The following NPY1R variants were observed in gnomAD, a reference collection of about 807,000 sequenced individuals.
NPY1R encodes neuropeptide Y receptor Y1, also known as neuropeptide Y receptor type 1.
Under a neutral mutation model 24.1 loss-of-function variants are expected in NPY1R, and 10 were observed. The ratio of observed to expected loss-of-function variants is 0.42; its 90% CI spans 0.26 to 0.71. The LOEUF is 0.71. NPY1R is among the 30% of genes least tolerant of loss of function. NPY1R has a pLI of 0.28. For synonymous variants in NPY1R, 168 were observed against 165.9 expected (o/e 1.01, Z -0.10); for missense variants, 350 against 458.0 (o/e 0.76, Z 2.15).
intron 1 of NPY1R, among the ~76,000 whole-genome samples, chr4:163,328,991 A>G (rs1734668943): frequency 6.6e-6 from 1 of 152,218 alleles, no homozygotes; most frequent in South Asian, 2.1e-4. Flanking sequence ...GGGTAAATTA[A>G]TCCTAACATC....
At position 163,324,603 on chromosome 4, in the gene NPY1R, C is replaced by T. The variant is rs1037851710; in HGVS notation, c.*700G>A. Reference sequence around the variant, plus strand: ...CCAAAATGGTTTTGAAGTTAGGGAGCTGCTTTCTCTCTTCATTCCTGTGGG... The same window carrying T: ...CCAAAATGGTTTTGAAGTTAGGGAGTTGCTTTCTCTCTTCATTCCTGTGGG... On this transcript the variant is annotated 3_prime_UTR_variant, in exon 3 of 3. Transcript: ENST00000296533. 1.3e-5 allele frequency: 2 copies of T among 152,232 alleles called. No individual in the cohort carries two copies. Among genetic ancestry groups the T allele is most frequent in the Non-Finnish European group, 2.9e-5 (2 of 68,008 alleles). The allele number at this position is 152,232 out of a possible 1,614,324, so 9.4% of individuals were successfully genotyped here.
chr4:163,339,905 C>T (rs1049919095), intron 1 of NPY1R, among the ~76,000 whole-genome samples: 4 of 152,000 alleles, frequency 2.6e-5, no homozygotes, highest in Non-Finnish European at 5.9e-5. Context: ...TGTTCAATAA[C>T]ATATTTTAAT....
chr4:163,335,580 G>T (rs557339166), upstream of NPY1R, among the ~76,000 whole-genome samples: 1 of 152,244 alleles, frequency 6.6e-6, no homozygotes, highest in African/African-American at 2.4e-5. Context: ...TCACTCAGAA[G>T]AAACTTAATA....
In NPY1R at chr4:163,342,959, C is replaced by CTCTT. The variant is rs397975611; in HGVS notation, c.-152+1345_-152+1346insAAGA. On this transcript the variant is annotated intron_variant, in intron 1 of 1. Coordinates refer to the NPY1R transcript ENST00000511901. ...TGTCTCTTTTCTCCCTTCTCTCCTT[C>CTCTT]TCTCTCTCTCTCTCTCTCACAGACA... Among the ~76,000 whole-genome samples the CTCTT allele has an allele frequency of 7.5e-4, 97 of 130,038 alleles. 2 individuals are homozygous for CTCTT. Among genetic ancestry groups the CTCTT allele is most frequent in the African/African-American group, 2.9e-3 (93 of 32,610 alleles). 85.3% of individuals were successfully genotyped at this position (130,038 alleles called of 152,430 possible).
Position 163,325,289 on chromosome 4 carries a change from G to C in NPY1R, c.*14C>G. ...TAAACAGATGTCATCCGGGACCATA[G>C]GCTATAAGTAGTTTCAGATTTTTTC... On this transcript the variant is annotated 3_prime_UTR_variant, in exon 3 of 3. Transcript: ENST00000296533. 6.4e-7 allele frequency: 1 copy of C among 1,572,344 alleles called. No homozygotes were observed. The highest frequency in any genetic ancestry group is 8.7e-7 in the Non-Finnish European group (1 of 1,150,688).
rs1734586304 is a variant in NPY1R at position 163,325,592 on chromosome 4, T to A, written c.866A>T (p.Asn289Ile). 3.1e-6 allele frequency: 5 copies of A among 1,613,784 alleles called. No individual in the cohort carries two copies. Among genetic ancestry groups the A allele is most frequent in the African/African-American group, 2.7e-5 (2 of 74,924 alleles). ...LTIFNTVFDW[N>I]HQIIATCNHN... ...GTTGCAGGTAGCAATGATCTGATGATTCCAATCAAACACAGTGTTAAAGAT... is the reference window on the plus strand; with the variant it reads ...GTTGCAGGTAGCAATGATCTGATGAATCCAATCAAACACAGTGTTAAAGAT... Residue 289 changes from asparagine (N) to isoleucine (I), a missense_variant, in exon 3 of 3, where the codon AAT (asparagine) becomes ATT (isoleucine). Coordinates refer to ENST00000296533, the MANE Select transcript of NPY1R (RefSeq NM_000909.6).
At chr4:163,335,906 A>T (rs1734830476), upstream of NPY1R, among the ~76,000 whole-genome samples, 1 of 152,234 alleles carries the variant, frequency 6.6e-6, no homozygotes, top group South Asian at 2.1e-4. Flanking sequence ...TTTAAAGCCA[A>T]TGAAATATAG....
chr4:163,342,635 TTGAC>T (rs1258244983), intron 1 of NPY1R, among the ~76,000 whole-genome samples: 6 of 152,158 alleles, frequency 3.9e-5, no homozygotes, highest in African/African-American at 1.4e-4. Flanking sequence ...GGATGACTCT[TTGAC>T]TGATGAAATA....
intron 1 of NPY1R, among the ~76,000 whole-genome samples, chr4:163,342,144 T>C (rs529252771): frequency 2.6e-5 from 4 of 152,320 alleles, no homozygotes; most frequent in Admixed American, 2.6e-4. Flanking sequence ...CCTTTTATTT[T>C]CAATACTCTA....
At chr4:163,339,111 G>A (rs1578942047) in intron 1 of NPY1R, among the ~76,000 whole-genome samples, 1 of 152,150 alleles carries the variant, frequency 6.6e-6, no homozygotes, top group Non-Finnish European at 1.5e-5. Flanking sequence ...GGTGTCTCAA[G>A]TGAAGGGCCA....
chr4:163,338,748 T>G (rs1051642855), intron 1 of NPY1R, among the ~76,000 whole-genome samples: 2 of 152,190 alleles, frequency 1.3e-5, no homozygotes, highest in Non-Finnish European at 2.9e-5. Flanking sequence ...TGCTATCAAC[T>G]ACATGCTTGC....
intron 1 of NPY1R, chr4:163,331,261 C>G (rs1734720371): frequency 6.5e-6 from 1 of 152,674 alleles, no homozygotes; most frequent in South Asian, 2.1e-4. Flanking sequence ...GTGGGGGAAG[C>G]AATGCGTGCT....
chr4:163,332,241 C>T (rs1024377975), intron 1 of NPY1R, among the ~76,000 whole-genome samples: 2 of 152,150 alleles, frequency 1.3e-5, no homozygotes, highest in Admixed American at 6.5e-5. Context: ...GGTGGGAAAG[C>T]CCGAACTCCG....
chr4:163,331,389 G>C (rs1734724361), intron 1 of NPY1R, among the ~76,000 whole-genome samples: 1 of 152,032 alleles, frequency 6.6e-6, no homozygotes, highest in Admixed American at 6.5e-5. Context: ...AATGGGACAT[G>C]TTCAGTCAAA....
chr4:163,336,467 G>T (rs935299686), upstream of NPY1R, among the ~76,000 whole-genome samples: 4 of 152,062 alleles, frequency 2.6e-5, no homozygotes, highest in African/African-American at 9.7e-5. Flanking sequence ...CTGGCAAAAA[G>T]AATAAGTATG....
At position 163,341,089 on chromosome 4, in the gene NPY1R, GT is replaced by G. The variant is rs976297340; in HGVS notation, c.-152+3215del. Among the ~76,000 whole-genome samples the G allele has an allele frequency of 3.6e-3, 534 of 146,360 alleles. 3 individuals carry two copies. The highest frequency in any genetic ancestry group is 0.013 in the African/African-American group (506 of 40,092). On this transcript the variant is annotated intron_variant, in intron 1 of 1. Coordinates refer to the NPY1R transcript ENST00000511901. ...TAAACTTCTTTTCAATAGCTTTTGG[GT>G]TTTTTTTTTGTTCAAAAAAAAATCA...
chr4:163,327,113 T>C (rs1734625965), intron 1 of NPY1R, among the ~76,000 whole-genome samples: 1 of 152,218 alleles, frequency 6.6e-6, no homozygotes, highest in African/African-American at 2.4e-5. Context: ...TTCTGCCATA[T>C]GCTATAGAAA....
At chr4:163,340,734 G>T (rs570122861) in intron 1 of NPY1R, among the ~76,000 whole-genome samples, 81 of 152,114 alleles carry the variant, frequency 5.3e-4, no homozygotes, top group Non-Finnish European at 5.2e-4. Context: ...TTGAGATCAA[G>T]CCTGGCTACA....
In NPY1R at chr4:163,324,954, C is replaced by T. The variant is rs758024738; in HGVS notation, c.*349G>A. ...AATCAAGATGACCCAATCTAATGAC[C>T]GTATTGGATGGCAGGTACTTCTGAA... is the stretch of plus-strand genomic sequence containing the variant. On this transcript the variant is annotated 3_prime_UTR_variant, in exon 3 of 3. Coordinates refer to ENST00000296533, the MANE Select transcript of NPY1R (RefSeq NM_000909.6). 1.5e-5 allele frequency: 3 copies of T among 196,028 alleles called. No individual in the cohort carries two copies. The highest frequency in any genetic ancestry group is 5.3e-5 in the Admixed American group (1 of 18,832). 12.1% of individuals were successfully genotyped at this position (196,028 alleles called of 1,614,324 possible).
Sources: allele counts gnomAD v4.1 joint callset (sites outside exome capture counted in the v4.1 genomes callset), GRCh38; gene constraint gnomAD v4.1.1; transcripts MANE v1.5; gene names NCBI Gene and HGNC (gene_info 2026-07-23, HGNC 2026-07-21).